WIPF2: variants seen among roughly 807,000 people sequenced by gnomAD.
WIPF2 encodes WAS/WASL-interacting protein family member 2.
WIPF2 carries 23 observed loss-of-function variants against 38.8 expected under a neutral mutation model. That is an observed-to-expected ratio of 0.59 (90% CI 0.43 to 0.84). The LOEUF is 0.84. WIPF2 is among the 40% of genes least tolerant of loss of function. The probability of loss-of-function intolerance (pLI) is 0.00; values close to 1 mark genes in which losing one functional copy is unlikely to be tolerated. For missense variants in WIPF2, 574 were observed against 580.5 expected, an observed-to-expected ratio of 0.99 and a Z score of 0.11; for synonymous variants, 210 against 223.2, an observed-to-expected ratio of 0.94 and a Z score of 0.53.
At chr17:40,243,487 T>G (rs1159922943) in intron 1 of WIPF2, among the ~76,000 whole-genome samples, 1 of 152,090 alleles carries the variant, frequency 6.6e-6, no homozygotes, top group Non-Finnish European at 1.5e-5. Context: ...ACATCCAGGT[T>G]TCATTTGTTG....
intron 5 of WIPF2, among the ~76,000 whole-genome samples, chr17:40,273,315 G>C (rs369440899): frequency 6.6e-6 from 1 of 152,142 alleles, no homozygotes; most frequent in African/African-American, 2.4e-5. Context: ...GATTATAGAC[G>C]TGAGCCATCA....
chr17:40,278,427 A>T lies in WIPF2; in HGVS notation c.*202A>T. The stretch of plus-strand genomic sequence containing the variant: ...TTTGGTGATCAGACTCTATATTGAC[A>T]GTAGGATCTCAAACCCTGCATCCAT... On this transcript the variant is annotated 3_prime_UTR_variant, in exon 8 of 8. Transcript: ENST00000323571. 1.7e-6 allele frequency: 1 copy of T among 599,452 alleles called. No homozygotes were observed. Among genetic ancestry groups the T allele is most frequent in the South Asian group, 2.3e-5 (1 of 43,044 alleles). 37.1% of individuals were successfully genotyped at this position (599,452 alleles called of 1,614,324 possible).
Position 40,258,661 on chromosome 17 carries a change from G to T in WIPF2, c.64-1874G>T, listed in dbSNP as rs1476848225. 2.0e-5 allele frequency among the ~76,000 whole-genome samples: 3 copies of T among 151,998 alleles called. No homozygotes were observed. In the East Asian group the frequency reaches 5.8e-4, roughly 29 times the overall value. On this transcript the variant is annotated intron_variant, in intron 2 of 7. Coordinates refer to ENST00000323571, the MANE Select transcript of WIPF2 (RefSeq NM_133264.5). ...AGGAGGCAGTCAATGAAGGCTTTTA[G>T]GTAGGTGGTGATACTTGAGCTGAGT...
At position 40,282,923 on chromosome 17, in the gene WIPF2, A is replaced by G. The variant is rs1165349544; in HGVS notation, c.*4698A>G. On this transcript the variant is annotated 3_prime_UTR_variant, in exon 8 of 8. Transcript: ENST00000323571. The stretch of plus-strand genomic sequence containing the variant: ...TCTAGTTGGCTGGGCGCGATGGCTC[A>G]TGTCTGTAATCCCAGCACTTTGGGA... The G allele has an allele frequency of 1.3e-5, 2 of 152,076 alleles. No individual in the cohort carries two copies. Among genetic ancestry groups the G allele is most frequent in the Admixed American group, 6.6e-5 (1 of 15,246 alleles). 9.4% of individuals were successfully genotyped at this position (152,076 alleles called of 1,614,324 possible). A position where few individuals can be genotyped will look rare whatever the true frequency, so the allele number is the denominator to read the frequency against.
chr17:40,269,875 G>C (rs1379063032), intron 5 of WIPF2, among the ~76,000 whole-genome samples: 1 of 150,866 alleles, frequency 6.6e-6, no homozygotes, highest in Admixed American at 6.6e-5. Flanking sequence ...AAAGTGCTGG[G>C]ATTATAGGCA....
chr17:40,277,937 G>T (rs2032456314), intron 7 of WIPF2, among the ~76,000 whole-genome samples: 1 of 151,990 alleles, frequency 6.6e-6, no homozygotes, highest in South Asian at 2.1e-4. Flanking sequence ...GGTTGGCCAG[G>T]CTGGTCTGAA....
At chr17:40,276,832 T>G (rs753510113) in intron 6 of WIPF2, among the ~76,000 whole-genome samples, 3 of 151,830 alleles carry the variant, frequency 2.0e-5, no homozygotes, top group African/African-American at 4.8e-5. Context: ...TGTCAAAAAA[T>G]AAATAAATAA....
intron 5 of WIPF2, among the ~76,000 whole-genome samples, chr17:40,266,652 C>T (rs550865935): frequency 1.3e-5 from 2 of 152,038 alleles, no homozygotes; most frequent in East Asian, 1.9e-4. Flanking sequence ...GATTGTTGGA[C>T]GAAGATGTGG....
At chr17:40,231,723 G>A (rs111733590) in intron 1 of WIPF2, among the ~76,000 whole-genome samples, 10 of 150,790 alleles carry the variant, frequency 6.6e-5, no homozygotes, top group East Asian at 6.0e-4. Flanking sequence ...ATGCCTGGCC[G>A]CTTTTCTACT....
chr17:40,257,126 G>A (rs1213797915), intron 2 of WIPF2, among the ~76,000 whole-genome samples: 1 of 151,970 alleles, frequency 6.6e-6, no homozygotes, highest in Non-Finnish European at 1.5e-5. Flanking sequence ...TTACAGGCAC[G>A]CGCCACCACG....
At chr17:40,219,695 GGA>G (rs1387509306) in intron 1 of WIPF2, 1 of 154,968 alleles carries the variant, frequency 6.5e-6, no homozygotes, top group Non-Finnish European at 1.4e-5. Flanking sequence ...AGAACCTGGA[GGA>G]GAGAGGGCGT....
rs1567705855 is a variant in WIPF2 at position 40,220,607 on chromosome 17, A to ATG, written c.-70+1116_-70+1117insGT. 21 of 90,510 alleles carry ATG rather than the reference A, an allele frequency of 2.3e-4. 1 individual carries two copies. Among genetic ancestry groups the ATG allele is most frequent in the East Asian group, 9.7e-4 (2 of 2,064 alleles). 5.6% of individuals were successfully genotyped at this position (90,510 alleles called of 1,614,324 possible). A position where few individuals can be genotyped will look rare whatever the true frequency, so the allele number is the denominator to read the frequency against. ...TATATATATATATATATATATATAT[A>ATG]TATATATATATGTATATATATATAT... On this transcript the variant is annotated intron_variant, in intron 1 of 7. Transcript: ENST00000323571.
intron 1 of WIPF2, 59 bp from the exon 2 acceptor site, chr17:40,256,332 C>T: frequency 7.2e-7 from 1 of 1,398,574 alleles, no homozygotes; most frequent in Non-Finnish European, 9.7e-7. Flanking sequence ...CTCTCATTCT[C>T]CTGGGCACTT....
intron 1 of WIPF2, chr17:40,219,872 A>ACTTC (rs1475723469): frequency 1.3e-5 from 2 of 152,676 alleles, no homozygotes; most frequent in Non-Finnish European, 2.9e-5. Context: ...AAAAAGGGAG[A>ACTTC]CGGGAACGGA....
At chr17:40,235,956 A>T (rs556865637) in intron 1 of WIPF2, among the ~76,000 whole-genome samples, 1 of 151,216 alleles carries the variant, frequency 6.6e-6, no homozygotes, top group Admixed American at 6.6e-5. Flanking sequence ...TGACTGGATT[A>T]AAAAAATTTT....
intron 1 of WIPF2, among the ~76,000 whole-genome samples, chr17:40,251,097 G>A (rs1324656739): frequency 6.6e-6 from 1 of 151,760 alleles, no homozygotes; most frequent in East Asian, 1.9e-4. Context: ...ATGTTTCTTA[G>A]TAGAGACGGG....
chr17:40,231,246 T>C (rs1384518693), intron 1 of WIPF2, among the ~76,000 whole-genome samples: 1 of 152,128 alleles, frequency 6.6e-6, no homozygotes, highest in East Asian at 1.9e-4. Flanking sequence ...TTAGATTATC[T>C]GTGGTGAGTT....
At chr17:40,251,618 T>G (rs1355127579) in intron 1 of WIPF2, among the ~76,000 whole-genome samples, 2 of 152,132 alleles carry the variant, frequency 1.3e-5, no homozygotes, top group Non-Finnish European at 2.9e-5. Flanking sequence ...CCAGGGGAGT[T>G]TTTTGTTTGT....
At position 40,256,450 on chromosome 17, in the gene WIPF2, C is replaced by A; in HGVS notation, c.-10C>A. ...GAGAGAGAACAGTGCCAACTGGGAG[C>A]AGGGCAAGAATGCCAATTCCTCCTC... is the stretch of plus-strand genomic sequence containing the variant. On this transcript the variant is annotated 5_prime_UTR_variant, in exon 2 of 8. Coordinates refer to ENST00000323571, the MANE Select transcript of WIPF2 (RefSeq NM_133264.5). 6.2e-7 allele frequency: 1 copy of A among 1,606,580 alleles called. No homozygotes were observed. Among genetic ancestry groups the A allele is most frequent in the Non-Finnish European group, 8.5e-7 (1 of 1,177,356 alleles).
Sources: gnomAD v4.1 joint callset for allele counts (sites outside exome capture counted in the v4.1 genomes callset) on GRCh38, gnomAD v4.1.1 for gene constraint, MANE v1.5 for transcripts, NCBI Gene and HGNC (gene_info 2026-07-23, HGNC 2026-07-21) for gene names.